The following SMARCB1 variants were observed in gnomAD, a reference collection of about 807,000 sequenced individuals.
The protein encoded by SMARCB1 is SWI/SNF related BAF chromatin remodeling complex subunit B1.
SMARCB1 carries 5 observed loss-of-function variants against 49.0 expected under a neutral mutation model. The observed-to-expected ratio is 0.10, with a 90% confidence interval of 0.05 to 0.21. SMARCB1 has a LOEUF of 0.21. Ranked by LOEUF, SMARCB1 falls within the 10% of genes least tolerant of loss-of-function variation. The probability of loss-of-function intolerance (pLI) is 1.00; values close to 1 mark genes in which losing one functional copy is unlikely to be tolerated. For missense variants in SMARCB1, 226 were observed against 509.2 expected, an observed-to-expected ratio of 0.44 and a Z score of 5.35; for synonymous variants, 201 against 200.1, an observed-to-expected ratio of 1.00 and a Z score of -0.04.
At chr22:23,803,924 T>G (rs1369109312) in intron 5 of SMARCB1, 2 of 223,186 alleles carry the variant, frequency 9.0e-6, no homozygotes, top group South Asian at 1.5e-4. Context: ...CAGAACTCGG[T>G]CTTTGTGCAA....
chr22:23,809,788 A>G (rs1290501267), intron 5 of SMARCB1, among the ~76,000 whole-genome samples: 1 of 152,094 alleles, frequency 6.6e-6, no homozygotes, highest in African/African-American at 2.4e-5. Context: ...GAAAGAAAAG[A>G]ACTATTAATC....
At chr22:23,793,336 T>C in intron 2 of SMARCB1, 1 of 634,126 alleles carries the variant, frequency 1.6e-6, no homozygotes, top group Non-Finnish European at 2.9e-6. Flanking sequence ...GGCAGATTAG[T>C]CCAAATCAGT....
chr22:23,826,804 G>A (rs531430283), intron 7 of SMARCB1, among the ~76,000 whole-genome samples: 6 of 152,318 alleles, frequency 3.9e-5, no homozygotes, highest in South Asian at 2.1e-4. Flanking sequence ...AGCCACCCAC[G>A]GGGCTCAAGG....
rs761369940 is a variant in SMARCB1, at chr22:23,834,141, G to A, written c.1119G>A (p.Arg373=). ...KKIRDQDRNT[R]RMRRLANTAP... ...ATTGCCCTCCCCACTCCTCTTCCAGGCGGATGAGGCGTCTTGCCAACACGG... is the reference window on the plus strand; with the variant it reads ...ATTGCCCTCCCCACTCCTCTTCCAGACGGATGAGGCGTCTTGCCAACACGG... Residue 373 remains arginine, a splice_region_variant and synonymous_variant, in exon 9 of 9, where the codon AGG becomes AGA. Transcript: ENST00000644036. 1 of 1,590,018 alleles carries A rather than the reference G, an allele frequency of 6.3e-7. No individual in the cohort carries two copies. The highest frequency in any genetic ancestry group is 8.6e-7 in the Non-Finnish European group (1 of 1,168,594).
At chr22:23,825,631 C>T in intron 7 of SMARCB1, 2 of 579,638 alleles carry the variant, frequency 3.5e-6, no homozygotes, top group South Asian at 4.2e-5. Flanking sequence ...AACACAATAG[C>T]TGGCAAAGAC....
chr22:23,831,730 C>T (rs986959943), intron 7 of SMARCB1, among the ~76,000 whole-genome samples: 1 of 152,208 alleles, frequency 6.6e-6, no homozygotes, highest in Non-Finnish European at 1.5e-5. Context: ...TTGCTCCCCT[C>T]GTTGTGGGCT....
chr22:23,790,844 C>T (rs1054791315), intron 1 of SMARCB1, among the ~76,000 whole-genome samples: 1 of 151,894 alleles, frequency 6.6e-6, no homozygotes, highest in East Asian at 1.9e-4. Context: ...GAGACCCTGT[C>T]TCAAAAATAA....
chr22:23,828,734 C>G (rs1255982100), intron 7 of SMARCB1, among the ~76,000 whole-genome samples: 1 of 152,212 alleles, frequency 6.6e-6, no homozygotes, highest in Non-Finnish European at 1.5e-5. Flanking sequence ...CCCTCCATCT[C>G]TCCCAGCCAG....
At chr22:23,796,569 C>T (rs1928761352) in intron 3 of SMARCB1, among the ~76,000 whole-genome samples, 1 of 152,162 alleles carries the variant, frequency 6.6e-6, no homozygotes, top group Admixed American at 6.5e-5. Context: ...AGGTGGCACG[C>T]CTCCAGGCTG....
intron 3 of SMARCB1, among the ~76,000 whole-genome samples, chr22:23,795,300 T>TCCTCTAGCCTA (rs2145967789): frequency 6.6e-6 from 1 of 152,158 alleles, no homozygotes; most frequent in East Asian, 1.9e-4. Flanking sequence ...TAGCTGAGTG[T>TCCTCTAGCCTA]GGTGATCACA....
At chr22:23,816,965 C>G (rs1386710881) in intron 6 of SMARCB1, 29 bp downstream of exon 6, 1 of 1,596,450 alleles carries the variant, frequency 6.3e-7, no homozygotes, top group Non-Finnish European at 8.6e-7. Context: ...AGCACTGGAG[C>G]CTTCCTGGCC....
chr22:23,834,001 GC>G, intron 8 of SMARCB1, 139 bp from the exon 9 acceptor site: 1 of 922,624 alleles, frequency 1.1e-6, no homozygotes, highest in Non-Finnish European at 1.7e-6. Flanking sequence ...CTGAGAGAAG[GC>G]TGGGTCTGAC....
intron 5 of SMARCB1, among the ~76,000 whole-genome samples, chr22:23,808,738 G>T (rs1449596236): frequency 2.1e-5 from 3 of 141,754 alleles, no homozygotes; most frequent in Non-Finnish European, 3.0e-5. Flanking sequence ...CGCTCTTGTT[G>T]CCCAGGCTGG....
At chr22:23,810,954 T>C (rs902576608) in intron 5 of SMARCB1, among the ~76,000 whole-genome samples, 1 of 151,522 alleles carries the variant, frequency 6.6e-6, no homozygotes, top group Admixed American at 6.6e-5. Context: ...GGATAATTGC[T>C]TGAACCCGGG....
At position 23,789,760 on chromosome 22, in the gene SMARCB1, A is replaced by G. The variant is rs368008417; in HGVS notation, c.94-1996A>G. On this transcript the variant is annotated intron_variant, in intron 1 of 8. Transcript: ENST00000644036. ...TCATCAGACCTTCGGAGTTTAGGGAAGAGTTCAAGGTCAGAGCTCTATTGA... is the reference window on the plus strand; with the variant it reads ...TCATCAGACCTTCGGAGTTTAGGGAGGAGTTCAAGGTCAGAGCTCTATTGA... 3.9e-5 allele frequency among the ~76,000 whole-genome samples: 6 copies of G among 152,294 alleles called. No homozygotes were observed. In the South Asian group the frequency reaches 1.2e-3, roughly 32 times the overall value.
chr22:23,802,897 C>T (rs1006047721), intron 4 of SMARCB1: 11 of 354,400 alleles, frequency 3.1e-5, no homozygotes, highest in Admixed American at 7.7e-5. Flanking sequence ...TCTGTTTGTA[C>T]GTCCTCAGCA....
rs1229036799 is a variant in SMARCB1, at chr22:23,834,501, T to C, written c.*321T>C. The C allele has an allele frequency of 2.0e-6, 1 of 507,572 alleles. No individual in the cohort carries two copies. Among genetic ancestry groups the C allele is most frequent in the East Asian group, 3.0e-5 (1 of 33,124 alleles). The allele number at this position is 507,572 out of a possible 1,614,324, so 31.4% of individuals were successfully genotyped here. On this transcript the variant is annotated 3_prime_UTR_variant, in exon 9 of 9. Transcript: ENST00000644036. ...TTTTTAAATAAAAGGCAACAGGTCA[T>C]GTTCAATTTCTTCAACAGGTCATGT...
At chr22:23,815,615 C>G (rs1248219473) in intron 5 of SMARCB1, 1 of 152,204 alleles carries the variant, frequency 6.6e-6, no homozygotes, top group Non-Finnish European at 1.5e-5. Flanking sequence ...TATACAATAG[C>G]CTACACGTGG....
At position 23,836,040 on chromosome 22, in the gene SMARCB1, GAAC is replaced by G. The variant is rs1468606682; in HGVS notation, c.*1866_*1868del. On this transcript the variant is annotated 3_prime_UTR_variant, in exon 9 of 9. Coordinates refer to ENST00000644036, the MANE Select transcript of SMARCB1 (RefSeq NM_003073.5). The stretch of plus-strand genomic sequence containing the variant: ...ATAAACCACAACATGGACAGGCTTA[GAAC>G]AACAAGGAAAGCTGCCAGGTCAGAA... 15 of 985,374 alleles carry G rather than the reference GAAC, an allele frequency of 1.5e-5. No individual in the cohort carries two copies. The highest frequency in any genetic ancestry group is 1.4e-4 in the South Asian group (3 of 21,288). 61.0% of individuals were successfully genotyped at this position (985,374 alleles called of 1,614,324 possible). A position where few individuals can be genotyped will look rare whatever the true frequency, so the allele number is the denominator to read the frequency against.
Sources: allele counts gnomAD v4.1 joint callset (sites outside exome capture counted in the v4.1 genomes callset), GRCh38; gene constraint gnomAD v4.1.1; transcripts MANE v1.5; gene names NCBI Gene and HGNC (gene_info 2026-07-23, HGNC 2026-07-21).